Variants in UVSSA observed in about 807,000 individuals in gnomAD.
UVSSA encodes the protein UV stimulated scaffold protein A, also known as UV-stimulated scaffold protein A.
A neutral mutation model predicts 73.9 loss-of-function variants in UVSSA; 72 were observed. The observed-to-expected ratio is 0.97, with a 90% CI of 0.81 to 1.19. The LOEUF (loss-of-function observed/expected upper bound fraction) is 1.19. UVSSA is among the 50% of genes most tolerant of loss of function. UVSSA has a pLI of 0.00. For missense variants in UVSSA, 1,150 were observed against 965.0 expected (o/e 1.19, Z -2.54); for synonymous variants, 454 against 391.3 (o/e 1.16, Z -1.89).
chr4:1,347,815 C>G, intron 1 of UVSSA, 55 bp downstream of exon 1: 1 of 385,546 alleles, frequency 2.6e-6, no homozygotes, highest in South Asian at 3.3e-5. Flanking sequence ...TCGGACAGCG[C>G]CACTGGTTCC....
chr4:1,372,861 T>TGCACTCACCTCCCGCGTCTCAGG (rs1272080623), intron 8 of UVSSA, among the ~76,000 whole-genome samples: 9 of 31,384 alleles, frequency 2.9e-4, no homozygotes, highest in Non-Finnish European at 1.6e-3. Flanking sequence ...CCCGCGTCCC[T>TGCACTCACCTCCCGCGTCTCAGG]GCACTCACCT....
At chr4:1,363,856 A>G (rs1003853471) in intron 7 of UVSSA, among the ~76,000 whole-genome samples, 1 of 152,278 alleles carries the variant, frequency 6.6e-6, no homozygotes, top group Non-Finnish European at 1.5e-5. Context: ...TACAGTTTCC[A>G]GTGATTAATG....
chr4:1,380,311 C>T, intron 11 of UVSSA, 81 bp downstream of exon 11: 1 of 1,488,454 alleles, frequency 6.7e-7, no homozygotes, highest in Non-Finnish European at 9.0e-7. Flanking sequence ...CCCCACCTGC[C>T]CCTGCCCTGG....
At position 1,355,145 on chromosome 4, in the gene UVSSA, G is replaced by T. The variant is rs1715508796; in HGVS notation, c.1076G>T (p.Gly359Val). The part of the protein sequence containing the change: ...QRFTRVGTHG[G>V]CLKRAIDLKA... ...TTCACCCGCGTCGGGACCCACGGTG[G>T]ATGTTTAAAGCGTGCCATTGACCTG... The change falls in exon 7 of 14, where the codon GGA (glycine) becomes GTA (valine). Residue 359 changes from glycine (G) to valine (V), a missense_variant. Coordinates refer to ENST00000389851, the MANE Select transcript of UVSSA (RefSeq NM_020894.4). 6.2e-7 allele frequency: 1 copy of T among 1,613,864 alleles called. No individual in the cohort carries two copies. Among genetic ancestry groups the T allele is most frequent in the East Asian group, 2.2e-5 (1 of 44,874 alleles).
intron 3 of UVSSA, among the ~76,000 whole-genome samples, chr4:1,350,262 C>T (rs991213743): frequency 5.3e-5 from 8 of 152,174 alleles, no homozygotes; most frequent in Non-Finnish European, 8.8e-5. Flanking sequence ...ACTATGGGCT[C>T]GGGCTGGTGC....
Position 1,380,208 on chromosome 4 carries a change from G to C in UVSSA, c.1730G>C (p.Cys577Ser). 1 of 1,612,416 alleles carries C rather than the reference G, an allele frequency of 6.2e-7. No homozygotes were observed. The highest frequency in any genetic ancestry group is 8.5e-7 in the Non-Finnish European group (1 of 1,179,726). Residue 577 changes from cysteine to serine, a missense_variant, in exon 11 of 14, where the codon TGT becomes TCT. Coordinates refer to ENST00000389851, the MANE Select transcript of UVSSA (RefSeq NM_020894.4). The stretch of plus-strand genomic sequence containing the variant: ...GCCCCGAGGCCAGACGGCCGGCTCT[G>C]TGAGCGCCAAGACCGGCTGAAGGTG... The part of the protein sequence containing the change: ...CRAPRPDGRL[C>S]ERQDRLKCPF...
intron 7 of UVSSA, among the ~76,000 whole-genome samples, chr4:1,359,795 T>C (rs572552008): frequency 1.0e-3 from 157 of 152,276 alleles, no homozygotes; most frequent in African/African-American, 3.7e-3. Flanking sequence ...CTCTGATCTT[T>C]GGAGTTAGAT....
rs374656092 is a variant in UVSSA at position 1,349,703 on chromosome 4, C to G, written c.278C>G (p.Thr93Arg). 140 of 1,613,846 alleles carry G rather than the reference C, an allele frequency of 8.7e-5. No homozygotes were observed. In the Middle Eastern group the frequency reaches 1.8e-3, roughly 21 times the overall value. ...FQEFLELTLG[T>R]DPAQPLPPPR... ...GAGTTCCTGGAGCTCACGCTGGGCA[C>G]AGACCCCGCACAGCCTCTGCCGCCC... is the stretch of plus-strand genomic sequence containing the variant. Residue 93 changes from threonine to arginine, a missense_variant, in exon 3 of 14, where the codon ACA (threonine) becomes AGA (arginine). Thr to Arg is a moderately conservative substitution (Grantham distance 71, BLOSUM62 -1). Coordinates refer to ENST00000389851, the MANE Select transcript of UVSSA (RefSeq NM_020894.4).
chr4:1,351,870 TC>T, intron 4 of UVSSA, 35 bp downstream of exon 4: 1 of 1,606,972 alleles, frequency 6.2e-7, no homozygotes, highest in Non-Finnish European at 8.5e-7. Flanking sequence ...GGCCCACGCC[TC>T]TGAGGGTTGC....
At chr4:1,349,961 C>T (rs1714439241) in intron 3 of UVSSA, 107 bp downstream of exon 3, 1 of 1,103,124 alleles carries the variant, frequency 9.1e-7, no homozygotes, top group African/African-American at 1.6e-5. Context: ...ACAGCAGGGG[C>T]CTGCTTGGCC....
exon 14 of UVSSA, chr4:1,395,902 A>G (rs1353048440): frequency 1.3e-6 from 2 of 1,586,258 alleles, no homozygotes; most frequent in African/African-American, 1.4e-5. Context: ...GTAAAATTGA[A>G]TTCAGGACTG....
intron 8 of UVSSA, among the ~76,000 whole-genome samples, chr4:1,373,107 G>A (rs1260423623): frequency 6.6e-6 from 1 of 152,214 alleles, no homozygotes; most frequent in African/African-American, 2.4e-5. Flanking sequence ...TTCTCCTTCG[G>A]CACTTTCAAA....
chr4:1,354,335 C>CG (rs921741626), intron 5 of UVSSA, among the ~76,000 whole-genome samples: 8 of 91,536 alleles, frequency 8.7e-5, no homozygotes, highest in South Asian at 7.7e-4. Context: ...GAGGAGAGGC[C>CG]GGGGGGGTGG....
chr4:1,355,283 G>C (rs1045496763), intron 7 of UVSSA, 38 bp downstream of exon 7: 109 of 1,567,746 alleles, frequency 7.0e-5, no homozygotes, highest in Non-Finnish European at 8.2e-5. Flanking sequence ...GGGTCCCAGA[G>C]GCCTCAGTGG....
Position 1,383,816 on chromosome 4 carries a change from G to C in UVSSA, c.1912G>C (p.Asp638His). 6.2e-7 allele frequency: 1 copy of C among 1,613,730 alleles called. No homozygotes were observed. Among genetic ancestry groups the C allele is most frequent in the African/African-American group, 1.3e-5 (1 of 75,046 alleles). Residue 638 changes from aspartate to histidine, a missense_variant, in exon 13 of 14, where the codon GAT (aspartate) becomes CAT (histidine). Coordinates refer to ENST00000389851, the MANE Select transcript of UVSSA (RefSeq NM_020894.4). ...MRDVEAATGQ[D>H]LGSSRYSGKG... ...AGACGTGGAAGCAGCCACAGGGCAGGATCTCGGCTCATCCAGGTACAGCGG... is the reference window on the plus strand; with the variant it reads ...AGACGTGGAAGCAGCCACAGGGCAGCATCTCGGCTCATCCAGGTACAGCGG...
chr4:1,372,771 AGG>A (rs141008473), intron 8 of UVSSA, among the ~76,000 whole-genome samples: 47 of 21,108 alleles, frequency 2.2e-3, no homozygotes, highest in East Asian at 0.016. Context: ...CCCGCGTCTC[AGG>A]GCACTCACCT....
rs570106038 is a variant in UVSSA, at chr4:1,354,837, C to A, written c.1037C>A (p.Ser346Ter). Residue 346 changes from serine (S) to a stop codon, truncating the protein, a stop_gained, in exon 6 of 14, where the codon TCG becomes TAG. Coordinates refer to ENST00000389851, the MANE Select transcript of UVSSA (RefSeq NM_020894.4). LOFTEE classifies it high-confidence loss of function. ...IRNKFLPAVC[S>*]WIQRFTRVGT... Reference sequence around the variant, plus strand: ...AACAAGTTCCTGCCGGCTGTGTGCTCGTGGATCCAGGTGAGCCTCGAACCT... The same window carrying A: ...AACAAGTTCCTGCCGGCTGTGTGCTAGTGGATCCAGGTGAGCCTCGAACCT... 2.5e-6 allele frequency: 4 copies of A among 1,607,738 alleles called. No individual in the cohort carries two copies. The East Asian group carries it at 9.0e-5, about 36-fold the overall frequency.
intron 8 of UVSSA, among the ~76,000 whole-genome samples, chr4:1,370,982 C>T (rs943105028): frequency 1.3e-5 from 2 of 152,234 alleles, no homozygotes; most frequent in African/African-American, 4.8e-5. Context: ...GCCCGGCGGC[C>T]TTGCAGTACC....
chr4:1,351,704 C>A lies in UVSSA; in HGVS notation c.430-11C>A, dbSNP rs1440076649. 3 of 1,612,322 alleles carry A rather than the reference C, an allele frequency of 1.9e-6. No homozygotes were observed. The highest frequency in any genetic ancestry group is 1.3e-5 in the African/African-American group (1 of 75,004). ...GCGCCTGTCCCCTAGTCTTTATTTT[C>A]AATTGCTCAGGTGGATTTTCAAGAC... On this transcript the variant is annotated splice_polypyrimidine_tract_variant and intron_variant, in intron 3 of 13. Transcript: ENST00000389851.
Sources: gnomAD v4.1 joint callset for allele counts (sites outside exome capture counted in the v4.1 genomes callset) on GRCh38, gnomAD v4.1.1 for gene constraint, MANE v1.5 for transcripts, NCBI Gene and HGNC (gene_info 2026-07-23, HGNC 2026-07-21) for gene names.